The following STK24 variants were observed in gnomAD, a reference collection of about 807,000 sequenced individuals.
The protein encoded by STK24 is serine/threonine kinase 24.
STK24 carries 21 observed loss-of-function variants against 55.6 expected under a neutral mutation model. The ratio of observed to expected loss-of-function variants is 0.38; its 90% CI spans 0.27 to 0.54. The LOEUF (loss-of-function observed/expected upper bound fraction) is 0.54, where lower values mean the gene tolerates loss of function less well. Ranked by LOEUF, STK24 falls within the 20% of genes least tolerant of loss-of-function variation. STK24 has a pLI of 0.79. For synonymous variants in STK24, 200 were observed against 215.2 expected, an observed-to-expected ratio of 0.93 and a Z score of 0.62; for missense variants, 383 against 538.4, an observed-to-expected ratio of 0.71 and a Z score of 2.86.
At chr13:98,536,134 T>C (rs1896728725) in intron 1 of STK24, among the ~76,000 whole-genome samples, 1 of 151,976 alleles carries the variant, frequency 6.6e-6, no homozygotes, top group African/African-American at 2.4e-5. Context: ...GGAACACACG[T>C]ATCCTGCCCA....
chr13:98,458,828 A>G (rs922531467), intron 9 of STK24, among the ~76,000 whole-genome samples: 14 of 152,166 alleles, frequency 9.2e-5, no homozygotes, highest in African/African-American at 3.4e-4. Context: ...CCGTCTCCTC[A>G]ATGTCCTCAT....
rs1399215070 is a variant in STK24, at chr13:98,448,952, G to A, written c.*4221C>T. ...ACCTGTTCCCAACCTACTTCTTGGT[G>A]CAAGTTGACCAAATCGTTTTAAGTG... On this transcript the variant is annotated 3_prime_UTR_variant, in exon 11 of 11. Transcript: ENST00000539966. 1 of 152,206 alleles carries A rather than the reference G, an allele frequency of 6.6e-6. No individual in the cohort carries two copies. Among genetic ancestry groups the A allele is most frequent in the Non-Finnish European group, 1.5e-5 (1 of 68,060 alleles). 9.4% of individuals were successfully genotyped at this position (152,206 alleles called of 1,614,324 possible).
chr13:98,495,770 G>A (rs1424573960), intron 2 of STK24, among the ~76,000 whole-genome samples: 1 of 152,168 alleles, frequency 6.6e-6, no homozygotes, highest in Non-Finnish European at 1.5e-5. Flanking sequence ...ATAATTGATT[G>A]CGAAATGAAA....
chr13:98,517,064 G>A (rs1184065756), intron 2 of STK24, among the ~76,000 whole-genome samples: 4 of 152,230 alleles, frequency 2.6e-5, no homozygotes, highest in Non-Finnish European at 5.9e-5. Context: ...AGCTGAGGTT[G>A]AACAAGATGT....
At chr13:98,574,571 C>T (rs1897830736) in intron 1 of STK24, among the ~76,000 whole-genome samples, 1 of 152,048 alleles carries the variant, frequency 6.6e-6, no homozygotes, top group Non-Finnish European at 1.5e-5. Flanking sequence ...ATGTTCTTCC[C>T]CAAATGATAC....
rs1184512009 is a variant in STK24 at position 98,462,625 on chromosome 13, G to A, written c.930-728C>T. On this transcript the variant is annotated intron_variant, in intron 7 of 10. Transcript: ENST00000539966. ...CCTCACTCCCCCACATGCCCCAACT[G>A]ACACCCTTTTTTCTCTCGGCTCAAG... 1.4e-4 allele frequency among the ~76,000 whole-genome samples: 21 copies of A among 152,122 alleles called. No homozygotes were observed. In the East Asian group the frequency reaches 3.9e-3, roughly 28 times the overall value.
At chr13:98,576,684 C>A (rs981499259) in intron 1 of STK24, 61 bp downstream of exon 1, 183 of 1,392,926 alleles carry the variant, frequency 1.3e-4, no homozygotes, top group Non-Finnish European at 1.7e-4. Flanking sequence ...GTGTGGATAC[C>A]GCCAAGTTGC....
Position 98,446,528 on chromosome 13 carries a change from G to GCCATGGTCCCTTCCAGGCCCACGC in STK24, c.*6621_*6644dup, listed in dbSNP as rs1216166510. 2.4e-6 allele frequency: 2 copies of GCCATGGTCCCTTCCAGGCCCACGC among 844,686 alleles called. No homozygotes were observed. The highest frequency in any genetic ancestry group is 1.7e-5 in the African/African-American group (1 of 59,858). 52.3% of individuals were successfully genotyped at this position (844,686 alleles called of 1,614,324 possible). Reference sequence around the variant, plus strand: ...CATCACGTACAGGCAAACACTGGCTGCCATGGTCCCTTCCAGGCCCACGCC... The same window carrying GCCATGGTCCCTTCCAGGCCCACGC: ...CATCACGTACAGGCAAACACTGGCTGCCATGGTCCCTTCCAGGCCCACGCCCATGGTCCCTTCCAGGCCCACGCC... On this transcript the variant is annotated 3_prime_UTR_variant, in exon 11 of 11. Coordinates refer to ENST00000539966, the MANE Select transcript of STK24 (RefSeq NM_001032296.4).
intron 2 of STK24, among the ~76,000 whole-genome samples, chr13:98,501,836 C>T (rs1895475735): frequency 6.6e-6 from 1 of 152,162 alleles, no homozygotes; most frequent in Non-Finnish European, 1.5e-5. Flanking sequence ...CCCCATTTGG[C>T]TTTCCCCTGT....
chr13:98,523,218 C>T (rs768276792), intron 1 of STK24, among the ~76,000 whole-genome samples: 68 of 152,206 alleles, frequency 4.5e-4, no homozygotes, highest in Non-Finnish European at 7.6e-4. Context: ...AAAACACCAT[C>T]ATGTTAGGTC....
At chr13:98,516,326 A>G (rs1030692775) in intron 2 of STK24, among the ~76,000 whole-genome samples, 2 of 152,242 alleles carry the variant, frequency 1.3e-5, no homozygotes, top group African/African-American at 4.8e-5. Context: ...CCTAAAGGAC[A>G]ATCTGCTTAG....
rs1271870596 is a variant in STK24, at chr13:98,449,786, T to C, written c.*3387A>G. ...GCAAAACAACCAACTTTGTCTGTAG[T>C]CTTCATTTTCTGTGTGGGGGGGGAG... On this transcript the variant is annotated 3_prime_UTR_variant, in exon 11 of 11. Coordinates refer to ENST00000539966, the MANE Select transcript of STK24 (RefSeq NM_001032296.4). 2 of 142,408 alleles carry C rather than the reference T, an allele frequency of 1.4e-5. No homozygotes were observed. The highest frequency in any genetic ancestry group is 1.4e-4 in the Admixed American group (2 of 14,218). 8.8% of individuals were successfully genotyped at this position (142,408 alleles called of 1,614,324 possible). A position where few individuals can be genotyped will look rare whatever the true frequency, so the allele number is the denominator to read the frequency against.
intron 2 of STK24, among the ~76,000 whole-genome samples, chr13:98,497,241 G>A (rs1869868558): frequency 6.6e-6 from 1 of 152,182 alleles, no homozygotes; most frequent in African/African-American, 2.4e-5. Context: ...CCTCCACTGA[G>A]GGCTCCAGAA....
chr13:98,546,506 C>G (rs1897031976), intron 1 of STK24, among the ~76,000 whole-genome samples: 1 of 152,168 alleles, frequency 6.6e-6, no homozygotes, highest in Non-Finnish European at 1.5e-5. Flanking sequence ...ATATGGTGAA[C>G]AGGGACTTCC....
At chr13:98,456,506 C>A in intron 10 of STK24, 1 of 516,276 alleles carries the variant, frequency 1.9e-6, no homozygotes, top group Admixed American at 2.0e-5. Flanking sequence ...TGCCTCCAAA[C>A]GCCTGCACTT....
intron 1 of STK24, among the ~76,000 whole-genome samples, chr13:98,558,874 A>G (rs567963709): frequency 1.3e-5 from 2 of 152,108 alleles, no homozygotes; most frequent in South Asian, 2.1e-4. Flanking sequence ...AAATATTAAT[A>G]TATCCCTAGG....
chr13:98,564,763 C>T lies in STK24; in HGVS notation c.42+11982G>A, dbSNP rs147297446. On this transcript the variant is annotated intron_variant, in intron 1 of 10. Coordinates refer to ENST00000539966, the MANE Select transcript of STK24 (RefSeq NM_001032296.4). ...CCTTATGAAATAAGGTTCCAAGTGG[C>T]ACGCAGTAGCATAAGCCTGTAATCT... 2.2e-4 allele frequency among the ~76,000 whole-genome samples: 33 copies of T among 152,076 alleles called. No individual in the cohort carries two copies. The East Asian group carries it at 5.8e-3, about 27-fold the overall frequency.
At chr13:98,541,083 G>C (rs1286872062) in intron 1 of STK24, among the ~76,000 whole-genome samples, 2 of 152,164 alleles carry the variant, frequency 1.3e-5, no homozygotes, top group Admixed American at 1.3e-4. Context: ...TCCAGAGGAA[G>C]GTCTTCAGGA....
Position 98,576,493 on chromosome 13 carries a change from G to C in STK24, c.42+252C>G, listed in dbSNP as rs1462583963. Among the ~76,000 whole-genome samples the C allele has an allele frequency of 2.0e-5, 3 of 152,170 alleles. No individual in the cohort carries two copies. In the East Asian group the frequency reaches 5.9e-4, roughly 30 times the overall value. On this transcript the variant is annotated intron_variant, in intron 1 of 10. Coordinates refer to ENST00000539966, the MANE Select transcript of STK24 (RefSeq NM_001032296.4). Reference sequence around the variant, plus strand: ...GGGGAGCGCGGAGGACTAGGCGCCCGCACCCCCACATCCGGACCCAGGCCG... The same window carrying C: ...GGGGAGCGCGGAGGACTAGGCGCCCCCACCCCCACATCCGGACCCAGGCCG...
Sources: gnomAD v4.1 joint callset for allele counts (sites outside exome capture counted in the v4.1 genomes callset) on GRCh38, gnomAD v4.1.1 for gene constraint, MANE v1.5 for transcripts, NCBI Gene and HGNC (gene_info 2026-07-23, HGNC 2026-07-21) for gene names.